Variants in DPYD observed in about 807,000 individuals in gnomAD.
DPYD encodes the protein dihydropyrimidine dehydrogenase.
A neutral mutation model predicts 116.2 loss-of-function variants in DPYD; 109 were observed. The observed-to-expected ratio is 0.94, with a 90% CI of 0.80 to 1.10. DPYD has a LOEUF of 1.10. DPYD is among the 50% of genes least tolerant of loss of function. The pLI is 0.00. For missense variants in DPYD, 1,302 were observed against 1,254.5 expected, an observed-to-expected ratio of 1.04 and a Z score of -0.57; for synonymous variants, 440 against 432.0, an observed-to-expected ratio of 1.02 and a Z score of -0.23.
rs1474247263 is a variant in DPYD at position 97,875,298 on chromosome 1, T to C, written c.150+7966A>G. On this transcript the variant is annotated intron_variant, in intron 2 of 22. Coordinates refer to ENST00000370192, the MANE Select transcript of DPYD (RefSeq NM_000110.4). ...TAGTCATAATCAGAAACCAATACAA[T>C]ATCTAGGTGGAACTATCATAAGAAT... Among the ~76,000 whole-genome samples, 5 of 151,948 alleles carry C rather than the reference T, an allele frequency of 3.3e-5. No individual in the cohort carries two copies. The East Asian group carries it at 9.7e-4, about 29-fold the overall frequency.
chr1:97,878,297 C>T (rs988856679), intron 2 of DPYD, among the ~76,000 whole-genome samples: 3 of 151,820 alleles, frequency 2.0e-5, no homozygotes, highest in Non-Finnish European at 2.9e-5. Flanking sequence ...CCTCACTTGC[C>T]TCACTCTAAT....
chr1:97,546,256 CA>C lies in DPYD; in HGVS notation c.1524+3303del, dbSNP rs554980729. ...AAAGGACCCAAGAAAACTGCTAAAT[CA>C]AAAAAAAAGAAACCTTTAAAAAAAA... On this transcript the variant is annotated intron_variant, in intron 12 of 22. Coordinates refer to ENST00000370192, the MANE Select transcript of DPYD (RefSeq NM_000110.4). The C allele has an allele frequency of 2.4e-3, 3,475 of 1,436,116 alleles. 31 individuals carry two copies. In the African/African-American group the frequency reaches 0.032, roughly 13 times the overall value. The allele number at this position is 1,436,116 out of a possible 1,614,324, so 89.0% of individuals were successfully genotyped here. A position where few individuals can be genotyped will look rare whatever the true frequency, so the allele number is the denominator to read the frequency against.
intron 20 of DPYD, among the ~76,000 whole-genome samples, chr1:97,151,716 A>C (rs1655039650): frequency 1.3e-5 from 2 of 152,004 alleles, no homozygotes; most frequent in African/African-American, 2.4e-5. Flanking sequence ...TAAAAAATGA[A>C]AGAAAAGAAG....
chr1:97,754,452 A>G (rs1213288513), intron 3 of DPYD, among the ~76,000 whole-genome samples: 1 of 152,252 alleles, frequency 6.6e-6, no homozygotes, highest in Non-Finnish European at 1.5e-5. Context: ...AATGCATAAG[A>G]GCACTGACAA....
At chr1:97,166,703 G>C (rs1656353187) in intron 20 of DPYD, among the ~76,000 whole-genome samples, 1 of 152,148 alleles carries the variant, frequency 6.6e-6, no homozygotes, top group African/African-American at 2.4e-5. Flanking sequence ...GCCCTTGGCA[G>C]CTGACCGACA....
At chr1:97,887,847 T>A (rs1285924053) in intron 1 of DPYD, among the ~76,000 whole-genome samples, 1 of 152,006 alleles carries the variant, frequency 6.6e-6, no homozygotes, top group African/African-American at 2.4e-5. Flanking sequence ...CTCATGATAG[T>A]GAGTGAGTTC....
At chr1:97,859,517 T>C (rs1044972516) in intron 2 of DPYD, among the ~76,000 whole-genome samples, 1 of 152,160 alleles carries the variant, frequency 6.6e-6, no homozygotes, top group African/African-American at 2.4e-5. Context: ...ATAAACTGCA[T>C]GTTTTTTACA....
At chr1:97,263,132 A>G (rs1160805766) in intron 18 of DPYD, among the ~76,000 whole-genome samples, 2 of 152,130 alleles carry the variant, frequency 1.3e-5, no homozygotes, top group African/African-American at 4.8e-5. Context: ...AATACAAAAT[A>G]CTATAGCAGG....
At chr1:97,568,901 T>C (rs559348145) in intron 11 of DPYD, among the ~76,000 whole-genome samples, 12 of 152,024 alleles carry the variant, frequency 7.9e-5, no homozygotes, top group African/African-American at 9.7e-5. Context: ...TTGGGGTTTA[T>C]AGGATAATTT....
chr1:97,344,213 G>A (rs560182024), intron 16 of DPYD, among the ~76,000 whole-genome samples: 58 of 151,588 alleles, frequency 3.8e-4, no homozygotes, highest in African/African-American at 1.2e-3. Context: ...AGAGAATCTC[G>A]CCAAAAGTAC....
chr1:97,826,654 T>A (rs1009868724), intron 3 of DPYD, among the ~76,000 whole-genome samples: 2 of 152,184 alleles, frequency 1.3e-5, no homozygotes, highest in African/African-American at 4.8e-5. Context: ...TAAACCACTA[T>A]GTATGGTGAA....
intron 11 of DPYD, among the ~76,000 whole-genome samples, chr1:97,552,881 A>C (rs1325010576): frequency 6.6e-6 from 1 of 151,950 alleles, no homozygotes; most frequent in African/African-American, 2.4e-5. Context: ...AGAAATAAAA[A>C]GAAAAAGCTG....
intron 6 of DPYD, among the ~76,000 whole-genome samples, chr1:97,693,290 CAAAAAAAAAAAA>C (rs201872835): frequency 1.2e-4 from 5 of 41,828 alleles, no homozygotes; most frequent in African/African-American, 4.2e-4. Context: ...GACTCCGTCT[CAAAAAAAAAAAA>C]AAAAAAAAAA....
chr1:97,436,940 G>T (rs997853593), intron 14 of DPYD, among the ~76,000 whole-genome samples: 1 of 151,462 alleles, frequency 6.6e-6, no homozygotes, highest in Non-Finnish European at 1.5e-5. Flanking sequence ...CCAGGAAAAG[G>T]GCTATAATAA....
rs190703185 is a variant in DPYD, at chr1:97,276,075, T to C, written c.2299+29184A>G. On this transcript the variant is annotated intron_variant, in intron 18 of 22. Transcript: ENST00000370192. ...TCAATTTATGTATTCAGTTCTTTCT[T>C]CTCCTTGAACTTCAGGGTCAAATAT... Among the ~76,000 whole-genome samples the C allele has an allele frequency of 2.8e-4, 43 of 152,288 alleles. 1 individual carries two copies. Among genetic ancestry groups the C allele is most frequent in the East Asian group, 2.3e-3 (12 of 5,186 alleles).
At chr1:97,701,438 A>G (rs1335873445) in intron 5 of DPYD, among the ~76,000 whole-genome samples, 5 of 151,720 alleles carry the variant, frequency 3.3e-5, no homozygotes, top group African/African-American at 4.8e-5. Flanking sequence ...GAAGTGGCCA[A>G]TGAATAAATC....
chr1:97,351,099 T>C (rs1670117795), intron 16 of DPYD, among the ~76,000 whole-genome samples: 2 of 152,168 alleles, frequency 1.3e-5, no homozygotes, highest in South Asian at 2.1e-4. Context: ...GTCCCCGTTA[T>C]CACATTTGCT....
intron 16 of DPYD, among the ~76,000 whole-genome samples, chr1:97,361,566 G>T (rs1160069699): frequency 6.6e-6 from 1 of 152,170 alleles, no homozygotes; most frequent in Non-Finnish European, 1.5e-5. Context: ...TAAAATACTG[G>T]CAAAGCGAAT....
At chr1:97,338,852 A>G (rs1233945532) in intron 16 of DPYD, among the ~76,000 whole-genome samples, 2 of 152,130 alleles carry the variant, frequency 1.3e-5, no homozygotes, top group Admixed American at 6.5e-5. Flanking sequence ...AAGTCAAAGA[A>G]AAATTGCTAC....
Sources: gnomAD v4.1 joint callset for allele counts (sites outside exome capture counted in the v4.1 genomes callset) on GRCh38, gnomAD v4.1.1 for gene constraint, MANE v1.5 for transcripts, NCBI Gene and HGNC (gene_info 2026-07-23, HGNC 2026-07-21) for gene names.